The following ADIPOR2 variants were observed in gnomAD, a reference collection of about 807,000 sequenced individuals.
The protein encoded by ADIPOR2 is adiponectin receptor 2.
A neutral mutation model predicts 40.9 loss-of-function variants in ADIPOR2; 18 were observed. The observed-to-expected ratio is 0.44, with a 90% CI of 0.30 to 0.65. The LOEUF (loss-of-function observed/expected upper bound fraction) is 0.65, where lower values mean the gene tolerates loss of function less well. ADIPOR2 is among the 30% of genes least tolerant of loss of function. The pLI is 0.09. For synonymous variants in ADIPOR2, 165 were observed against 166.4 expected, an observed-to-expected ratio of 0.99 and a Z score of 0.06; for missense variants, 283 against 479.2, an observed-to-expected ratio of 0.59 and a Z score of 3.82.
chr12:1,772,745 C>A, intron 2 of ADIPOR2, 97 bp from the exon 3 acceptor site: 1 of 1,434,982 alleles, frequency 7.0e-7, no homozygotes, highest in Non-Finnish European at 9.3e-7. Flanking sequence ...TTGTTTTGAC[C>A]TTAAGAATTT....
rs533718168 is a variant in ADIPOR2, at chr12:1,757,297, C to G, written c.171+2783C>G. ...TTTCAGCAATGGTGAGGCAGATACC[C>G]TTTTCCTCAGGGAAGAGAAGTCTGT... On this transcript the variant is annotated intron_variant, in intron 2 of 7. Transcript: ENST00000357103. The G allele has an allele frequency of 1.1e-5, 7 of 650,576 alleles. No individual in the cohort carries two copies. In the African/African-American group the frequency reaches 1.3e-4, roughly 12 times the overall value. 40.3% of individuals were successfully genotyped at this position (650,576 alleles called of 1,614,324 possible).
At chr12:1,715,828 A>G (rs1272332393) in intron 1 of ADIPOR2, among the ~76,000 whole-genome samples, 1 of 152,152 alleles carries the variant, frequency 6.6e-6, no homozygotes, top group African/African-American at 2.4e-5. Flanking sequence ...GTGGCTAGCT[A>G]GAGGTTTGTA....
At chr12:1,755,715 A>T (rs1011888018) in intron 2 of ADIPOR2, among the ~76,000 whole-genome samples, 5 of 152,228 alleles carry the variant, frequency 3.3e-5, no homozygotes, top group African/African-American at 1.2e-4. Flanking sequence ...CTTCCAAATT[A>T]TATAGCATGT....
chr12:1,770,048 G>C (rs1020677678), intron 2 of ADIPOR2, among the ~76,000 whole-genome samples: 9 of 151,774 alleles, frequency 5.9e-5, no homozygotes, highest in Non-Finnish European at 1.2e-4. Context: ...CTCTTGAGTA[G>C]CTGGGACTGC....
intron 2 of ADIPOR2, among the ~76,000 whole-genome samples, chr12:1,765,840 C>T (rs1399694595): frequency 1.3e-5 from 2 of 152,074 alleles, no homozygotes; most frequent in Non-Finnish European, 2.9e-5. Flanking sequence ...CTGTCCACTC[C>T]CCCATCAGCT....
chr12:1,718,027 A>T (rs1366103157), intron 1 of ADIPOR2, among the ~76,000 whole-genome samples: 1 of 152,158 alleles, frequency 6.6e-6, no homozygotes, highest in Non-Finnish European at 1.5e-5. Context: ...TTATAAGTAA[A>T]TTTTTAAAAA....
chr12:1,726,855 G>A (rs138959837), intron 1 of ADIPOR2, among the ~76,000 whole-genome samples: 9 of 152,134 alleles, frequency 5.9e-5, no homozygotes, highest in African/African-American at 1.4e-4. Flanking sequence ...TTATTGTTCC[G>A]CTTTGAATTT....
chr12:1,778,172 GT>G, intron 4 of ADIPOR2, 147 bp downstream of exon 4: 2 of 924,270 alleles, frequency 2.2e-6, no homozygotes, highest in Non-Finnish European at 3.1e-6. Context: ...TTTCTGACTG[GT>G]TTACTCGTAG....
At chr12:1,780,242 C>A in intron 4 of ADIPOR2, 1 of 460,916 alleles carries the variant, frequency 2.2e-6, no homozygotes, top group Non-Finnish European at 3.7e-6. Flanking sequence ...TCTGTATATT[C>A]AGTTTATGAA....
intron 1 of ADIPOR2, among the ~76,000 whole-genome samples, chr12:1,727,808 G>A (rs1342771178): frequency 1.3e-5 from 2 of 151,548 alleles, no homozygotes; most frequent in Non-Finnish European, 2.9e-5. Flanking sequence ...TTCGGGGAGC[G>A]GTCCCCTACA....
intron 1 of ADIPOR2, among the ~76,000 whole-genome samples, chr12:1,753,315 G>C (rs1339524895): frequency 1.3e-5 from 2 of 152,192 alleles, no homozygotes; most frequent in Admixed American, 6.5e-5. Flanking sequence ...TACATATCAT[G>C]AGTTAAGAGG....
At chr12:1,767,003 C>CCA (rs1862393671) in intron 2 of ADIPOR2, among the ~76,000 whole-genome samples, 1 of 152,196 alleles carries the variant, frequency 6.6e-6, no homozygotes, top group Non-Finnish European at 1.5e-5. Context: ...GGTGTGGTGG[C>CCA]TCACGCCCGT....
intron 2 of ADIPOR2, among the ~76,000 whole-genome samples, chr12:1,760,366 A>G (rs1862240515): frequency 6.6e-6 from 1 of 152,154 alleles, no homozygotes; most frequent in Admixed American, 6.5e-5. Flanking sequence ...ACCCATTTAA[A>G]GTGTACAATT....
At chr12:1,782,409 CTG>C (rs983288270) in intron 6 of ADIPOR2, among the ~76,000 whole-genome samples, 58 of 152,304 alleles carry the variant, frequency 3.8e-4, no homozygotes, top group African/African-American at 1.4e-3. Flanking sequence ...ATTGTTAACT[CTG>C]TGTCAAAATG....
intron 2 of ADIPOR2, among the ~76,000 whole-genome samples, chr12:1,759,418 G>T (rs1483589253): frequency 1.3e-5 from 2 of 152,196 alleles, no homozygotes; most frequent in Non-Finnish European, 2.9e-5. Context: ...TGCCAATCAT[G>T]AATAAGGATC....
At chr12:1,710,246 G>T (rs1414866084) in intron 1 of ADIPOR2, among the ~76,000 whole-genome samples, 3 of 152,206 alleles carry the variant, frequency 2.0e-5, no homozygotes, top group African/African-American at 7.2e-5. Flanking sequence ...CTGCAACCCA[G>T]TCAGGTCCCC....
At chr12:1,771,805 G>A (rs1592627092) in intron 2 of ADIPOR2, among the ~76,000 whole-genome samples, 1 of 152,150 alleles carries the variant, frequency 6.6e-6, no homozygotes, top group African/African-American at 2.4e-5. Flanking sequence ...ATTTCTTTGT[G>A]CAGTCATGTT....
intron 1 of ADIPOR2, among the ~76,000 whole-genome samples, chr12:1,716,027 T>A (rs1454379585): frequency 6.6e-6 from 1 of 152,212 alleles, no homozygotes; most frequent in African/African-American, 2.4e-5. Context: ...TAAATCTTGC[T>A]GCTGCTCACT....
At chr12:1,720,561 T>A (rs2094695906) in intron 1 of ADIPOR2, among the ~76,000 whole-genome samples, 1 of 152,148 alleles carries the variant, frequency 6.6e-6, no homozygotes, top group Non-Finnish European at 1.5e-5. Flanking sequence ...TAGATTCTCA[T>A]AAGGAGCGTG....
Sources: allele counts gnomAD v4.1 joint callset (sites outside exome capture counted in the v4.1 genomes callset), GRCh38; gene constraint gnomAD v4.1.1; transcripts MANE v1.5; gene names NCBI Gene and HGNC (gene_info 2026-07-23, HGNC 2026-07-21).